ATP1A4: variants seen among roughly 807,000 people sequenced by gnomAD.
The protein encoded by ATP1A4 is ATPase Na+/K+ transporting subunit alpha 4.
A neutral mutation model predicts 114.3 loss-of-function variants in ATP1A4; 90 were observed. The observed-to-expected ratio is 0.79, with a 90% CI of 0.66 to 0.94. The LOEUF (loss-of-function observed/expected upper bound fraction) is 0.94, where lower values mean the gene tolerates loss of function less well. Among genes scored for constraint, ATP1A4 ranks in the 40% least tolerant of loss-of-function variants. The pLI is 0.00. For synonymous variants in ATP1A4, 511 were observed against 494.1 expected, an observed-to-expected ratio of 1.03 and a Z score of -0.45; for missense variants, 1,222 against 1,313.6, an observed-to-expected ratio of 0.93 and a Z score of 1.08.
Position 160,168,318 on chromosome 1 carries a change from C to G in ATP1A4, c.1491+906C>G, listed in dbSNP as rs543307283. ...TGCATTACTGAAAAGGCCAGACATT[C>G]AGGTGTGGGTAAAATGTCTCAGAGA... is the stretch of plus-strand genomic sequence containing the variant. On this transcript the variant is annotated intron_variant, in intron 10 of 21. Coordinates refer to ENST00000368081, the MANE Select transcript of ATP1A4 (RefSeq NM_144699.4). Among the ~76,000 whole-genome samples the G allele has an allele frequency of 5.9e-4, 89 of 150,076 alleles. 1 individual carries two copies. The highest frequency in any genetic ancestry group is 2.1e-3 in the African/African-American group (85 of 41,042).
chr1:160,176,254 C>T lies in ATP1A4; in HGVS notation c.2466+8C>T. Reference sequence around the variant, plus strand: ...GATCTCGGCACTGACATGGTAAGGGCCAAGCTGGTGAGCAAGAGATTCCCA... The same window carrying T: ...GATCTCGGCACTGACATGGTAAGGGTCAAGCTGGTGAGCAAGAGATTCCCA... On this transcript the variant is annotated splice_region_variant and intron_variant, in intron 16 of 21. Coordinates refer to ENST00000368081, the MANE Select transcript of ATP1A4 (RefSeq NM_144699.4). The T allele has an allele frequency of 6.2e-7, 1 of 1,613,932 alleles. No homozygotes were observed. Among genetic ancestry groups the T allele is most frequent in the South Asian group, 1.1e-5 (1 of 91,068 alleles).
intron 7 of ATP1A4, 40 bp downstream of exon 7, chr1:160,164,464 A>G: frequency 6.2e-7 from 1 of 1,606,822 alleles, no homozygotes; most frequent in Non-Finnish European, 8.5e-7. Flanking sequence ...GGGCAGACAA[A>G]CCACCCCAGG....
chr1:160,166,087 T>C (rs768502619), intron 7 of ATP1A4, among the ~76,000 whole-genome samples: 2 of 152,226 alleles, frequency 1.3e-5, no homozygotes, highest in East Asian at 3.9e-4. Flanking sequence ...CTGGCCAACA[T>C]GGTGAAACCC....
chr1:160,155,287 G>C (rs1571009262), intron 3 of ATP1A4, 39 bp downstream of exon 3: 3 of 1,563,648 alleles, frequency 1.9e-6, no homozygotes, highest in East Asian at 4.5e-5. Flanking sequence ...CCCTATCTCT[G>C]CTTAGCCCCA....
At position 160,155,040 on chromosome 1, in the gene ATP1A4, C is replaced by A. The variant is rs1652591070; in HGVS notation, c.208-5C>A. 1 of 1,613,088 alleles carries A rather than the reference C, an allele frequency of 6.2e-7. No homozygotes were observed. The highest frequency in any genetic ancestry group is 8.5e-7 in the Non-Finnish European group (1 of 1,179,472). ...TCTATCCAACCCTATTTCTTCTCTG[C>A]ACAGGGCCATAGCCACCAAAGGGCA... On this transcript the variant is annotated splice_polypyrimidine_tract_variant and splice_region_variant and intron_variant, in intron 2 of 21. Transcript: ENST00000368081.
rs758607510 is a variant in ATP1A4 at position 160,151,783 on chromosome 1, C to T, written c.-258C>T. 2.4e-6 allele frequency: 1 copy of T among 409,204 alleles called. No individual in the cohort carries two copies. Among genetic ancestry groups the T allele is most frequent in the Non-Finnish European group, 4.4e-6 (1 of 226,324 alleles). The allele number at this position is 409,204 out of a possible 1,614,324, so 25.3% of individuals were successfully genotyped here. On this transcript the variant is annotated 5_prime_UTR_variant, in exon 1 of 22. Transcript: ENST00000368081. ...ACCCTAGGCTTCTCTCCTCCCTCTT[C>T]CCTCACTCCTGACTCTTCCTCTTCC...
chr1:160,152,194 C>T lies in ATP1A4; in HGVS notation c.147+7C>T, dbSNP rs777007153. The T allele has an allele frequency of 9.1e-5, 146 of 1,612,108 alleles. No individual in the cohort carries two copies. The highest frequency in any genetic ancestry group is 1.2e-4 in the Non-Finnish European group (142 of 1,179,536). ...GAAGAAGGAAGTGGTCATGGTGAGG[C>T]CACCCAAAGTGGGCGCTGACAGCTG... On this transcript the variant is annotated splice_region_variant and intron_variant, in intron 1 of 21. Transcript: ENST00000368081.
chr1:160,158,953 T>TG (rs1558017875), intron 4 of ATP1A4, 49 bp from the exon 5 acceptor site: 1 of 1,585,904 alleles, frequency 6.3e-7, no homozygotes. Flanking sequence ...AAGAGTGGGA[T>TG]GAGGAAAGCC....
intron 7 of ATP1A4, among the ~76,000 whole-genome samples, chr1:160,166,157 C>A (rs1266669869): frequency 2.0e-5 from 3 of 152,136 alleles, no homozygotes; most frequent in Admixed American, 2.0e-4. Context: ...GTAGTCTGAG[C>A]TACTCGGGAG....
intron 2 of ATP1A4, 73 bp downstream of exon 2, chr1:160,153,297 A>C (rs1652523910): frequency 7.2e-7 from 1 of 1,383,178 alleles, no homozygotes; most frequent in South Asian, 1.2e-5. Context: ...CAAAAGCTGA[A>C]CTAGGAATCC....
In ATP1A4 at chr1:160,173,590, G is replaced by T. The variant is rs1158290437; in HGVS notation, c.1864G>T (p.Val622Leu). Residue 622 changes from valine (V) to leucine (L), a missense_variant, in exon 13 of 22, where the codon GTA (valine) becomes TTA (leucine). Coordinates refer to ENST00000368081, the MANE Select transcript of ATP1A4 (RefSeq NM_144699.4). ...CRSAGIKVIM[V>L]TGDHPITAKA... Reference sequence around the variant, plus strand: ...CTCCTTCCCAACCCAGGTGATCATGGTAACAGGAGATCATCCCATTACAGC... The same window carrying T: ...CTCCTTCCCAACCCAGGTGATCATGTTAACAGGAGATCATCCCATTACAGC... 1.2e-6 allele frequency: 2 copies of T among 1,613,926 alleles called. No individual in the cohort carries two copies. Among genetic ancestry groups the T allele is most frequent in the Non-Finnish European group, 1.7e-6 (2 of 1,179,800 alleles).
intron 6 of ATP1A4, among the ~76,000 whole-genome samples, chr1:160,160,404 A>G (rs1652828827): frequency 1.3e-5 from 2 of 152,176 alleles, no homozygotes; most frequent in South Asian, 2.1e-4. Context: ...TTTAGTAGAG[A>G]TGGGTTTTCA....
chr1:160,167,244 C>T, intron 9 of ATP1A4, 34 bp from the exon 10 acceptor site: 1 of 1,582,102 alleles, frequency 6.3e-7, no homozygotes, highest in Non-Finnish European at 8.6e-7. Flanking sequence ...GTAGCATGCC[C>T]CTGGGGCTTA....
At chr1:160,176,055 C>T in intron 15 of ATP1A4, 37 bp from the exon 16 acceptor site, 1 of 1,612,918 alleles carries the variant, frequency 6.2e-7, no homozygotes, top group Middle Eastern at 1.7e-4. Context: ...GCGTGTTCTC[C>T]CAGGGCTTCT....
intron 7 of ATP1A4, among the ~76,000 whole-genome samples, chr1:160,165,981 C>CT (rs1342739565): frequency 1.7e-4 from 26 of 151,404 alleles, no homozygotes; most frequent in Non-Finnish European, 2.8e-4. Flanking sequence ...GAAATACACT[C>CT]TTTTTTGGCC....
chr1:160,173,448 A>G (rs1363142079), intron 12 of ATP1A4, 133 bp from the exon 13 acceptor site: 1 of 1,322,130 alleles, frequency 7.6e-7, no homozygotes, highest in East Asian at 2.3e-5. Flanking sequence ...GGTCTACACC[A>G]CAAGTTCTTG....
chr1:160,181,670 C>T lies in ATP1A4; in HGVS notation c.2737-14C>T, dbSNP rs762414592. 3.1e-6 allele frequency: 5 copies of T among 1,613,934 alleles called. No individual in the cohort carries two copies. Among genetic ancestry groups the T allele is most frequent in the East Asian group, 2.2e-5 (1 of 44,880 alleles). ...CCCTTCTGACACTGTTTCCTCTCTC[C>T]CTGCTGTCTCTAGACCTATGAGCAA... On this transcript the variant is annotated splice_polypyrimidine_tract_variant and intron_variant, in intron 18 of 21. Coordinates refer to ENST00000368081, the MANE Select transcript of ATP1A4 (RefSeq NM_144699.4).
chr1:160,167,631 T>C (rs753931338), intron 10 of ATP1A4, among the ~76,000 whole-genome samples: 1 of 152,180 alleles, frequency 6.6e-6, no homozygotes, highest in Non-Finnish European at 1.5e-5. Flanking sequence ...GTCAGTCCTA[T>C]GCAGAGATCT....
At position 160,173,484 on chromosome 1, in the gene ATP1A4, G is replaced by GA. The variant is rs1031271465; in HGVS notation, c.1855-91dup. On this transcript the variant is annotated intron_variant, in intron 12 of 21. Transcript: ENST00000368081. Reference sequence around the variant, plus strand: ...GGAATGAGCGACTAAAACCCTTGTTGAAAAAAGCAGTGGTCTGTCAGTTCT... The same window carrying GA: ...GGAATGAGCGACTAAAACCCTTGTTGAAAAAAAGCAGTGGTCTGTCAGTTCT... The GA allele has an allele frequency of 4.6e-6, 7 of 1,510,780 alleles. No individual in the cohort carries two copies. The South Asian group carries it at 8.7e-5, about 19-fold the overall frequency. 93.6% of individuals were successfully genotyped at this position (1,510,780 alleles called of 1,614,324 possible).
Sources: gnomAD v4.1 joint callset for allele counts (sites outside exome capture counted in the v4.1 genomes callset) on GRCh38, gnomAD v4.1.1 for gene constraint, MANE v1.5 for transcripts, NCBI Gene and HGNC (gene_info 2026-07-23, HGNC 2026-07-21) for gene names.